FOXP2: variants seen among roughly 807,000 people sequenced by gnomAD.
FOXP2 encodes the protein forkhead box protein P2.
Under a neutral mutation model 115.8 loss-of-function variants are expected in FOXP2, and 12 were observed. That is an observed-to-expected ratio of 0.10 (90% CI 0.07 to 0.17). FOXP2 has a LOEUF of 0.17. FOXP2 is among the 10% of genes least tolerant of loss of function. The pLI, the probability that FOXP2 is intolerant of heterozygous loss-of-function variation, is 1.00. For synonymous variants in FOXP2, 328 were observed against 297.7 expected (o/e 1.10, Z -1.05); for missense variants, 629 against 843.5 (o/e 0.75, Z 3.15).
At chr7:114,203,554 G>A (rs2129160094) in intron 1 of FOXP2, among the ~76,000 whole-genome samples, 1 of 151,974 alleles carries the variant, frequency 6.6e-6, no homozygotes, top group African/African-American at 2.4e-5. Flanking sequence ...ATGTTGCCCA[G>A]GCTTGGCTCA....
intron 2 of FOXP2, among the ~76,000 whole-genome samples, chr7:114,329,332 A>G (rs970560466): frequency 3.3e-5 from 5 of 152,030 alleles, no homozygotes; most frequent in Non-Finnish European, 7.4e-5. Context: ...AGCCTTGTCA[A>G]CATGGTGAAA....
intron 6 of FOXP2, among the ~76,000 whole-genome samples, chr7:114,637,534 T>C (rs967148099): frequency 6.6e-6 from 1 of 152,132 alleles, no homozygotes; most frequent in African/African-American, 2.4e-5. Context: ...TTAAAACTCT[T>C]TCAAGTAACA....
At chr7:114,157,550 T>G (rs760851614) in intron 1 of FOXP2, among the ~76,000 whole-genome samples, 3 of 152,096 alleles carry the variant, frequency 2.0e-5, no homozygotes, top group African/African-American at 7.2e-5. Context: ...GCAAATTCAA[T>G]CCTAAGAATG....
At chr7:114,138,833 A>C (rs1792120636) in intron 1 of FOXP2, among the ~76,000 whole-genome samples, 1 of 152,254 alleles carries the variant, frequency 6.6e-6, no homozygotes, top group Non-Finnish European at 1.5e-5. Flanking sequence ...GTCTAAGGAC[A>C]CAAAATGACA....
chr7:114,374,776 A>G (rs1366770964), intron 2 of FOXP2, among the ~76,000 whole-genome samples: 2 of 152,212 alleles, frequency 1.3e-5, no homozygotes, highest in East Asian at 3.9e-4. Context: ...TGTAGCGCAC[A>G]GTGAGTGGCC....
At chr7:114,612,606 A>C (rs1803694911) in intron 3 of FOXP2, among the ~76,000 whole-genome samples, 1 of 152,130 alleles carries the variant, frequency 6.6e-6, no homozygotes, top group Non-Finnish European at 1.5e-5. Flanking sequence ...ACTGTCAGGA[A>C]GCCTGACTCT....
At chr7:114,651,902 T>A (rs1321896961) in intron 8 of FOXP2, among the ~76,000 whole-genome samples, 1 of 152,160 alleles carries the variant, frequency 6.6e-6, no homozygotes, top group East Asian at 1.9e-4. Context: ...TTTAAAAAAA[T>A]GGCATAAATA....
At chr7:114,383,713 G>A (rs1181921570) in intron 2 of FOXP2, among the ~76,000 whole-genome samples, 2 of 152,072 alleles carry the variant, frequency 1.3e-5, no homozygotes, top group East Asian at 1.9e-4. Flanking sequence ...TTCTTTCTTA[G>A]CGTCTGAGGG....
chr7:114,126,696 G>A (rs1159999884), intron 1 of FOXP2, among the ~76,000 whole-genome samples: 2 of 152,150 alleles, frequency 1.3e-5, no homozygotes, highest in African/African-American at 2.4e-5. Flanking sequence ...TATTCAGTCA[G>A]TAACTGGCTT....
At chr7:114,394,898 T>C (rs934546607) in intron 2 of FOXP2, among the ~76,000 whole-genome samples, 1 of 152,112 alleles carries the variant, frequency 6.6e-6, no homozygotes, top group African/African-American at 2.4e-5. Flanking sequence ...AGGACATTAT[T>C]AGGACAAGTG....
chr7:114,491,114 A>T (rs1797029486), intron 2 of FOXP2, among the ~76,000 whole-genome samples: 1 of 152,200 alleles, frequency 6.6e-6, no homozygotes, highest in Middle Eastern at 3.4e-3. Flanking sequence ...TAGTTTACAG[A>T]CCCACCAACA....
intron 2 of FOXP2, chr7:114,297,421 A>C: frequency 1.8e-6 from 1 of 555,698 alleles, no homozygotes; most frequent in Non-Finnish European, 3.3e-6. Flanking sequence ...GGGGTAGCCC[A>C]GAGCCATGGC....
At chr7:114,508,604 C>T (rs1251676400) in intron 2 of FOXP2, among the ~76,000 whole-genome samples, 1 of 151,860 alleles carries the variant, frequency 6.6e-6, no homozygotes, top group African/African-American at 2.4e-5. Context: ...AAGGGTGGAG[C>T]TTTAAGACCC....
chr7:114,432,456 A>G (rs1011429933), intron 2 of FOXP2, among the ~76,000 whole-genome samples: 1 of 151,988 alleles, frequency 6.6e-6, no homozygotes, highest in Non-Finnish European at 1.5e-5. Flanking sequence ...CATTACTTTT[A>G]TGGTACAAAC....
intron 2 of FOXP2, among the ~76,000 whole-genome samples, chr7:114,483,020 C>A (rs891568546): frequency 6.6e-6 from 1 of 151,638 alleles, no homozygotes; most frequent in Non-Finnish European, 1.5e-5. Flanking sequence ...CCACAGAATT[C>A]TTCAGGATGG....
At chr7:114,559,220 T>C (rs909614814) in intron 3 of FOXP2, among the ~76,000 whole-genome samples, 2 of 152,174 alleles carry the variant, frequency 1.3e-5, no homozygotes, top group African/African-American at 2.4e-5. Context: ...CATCTTTTGT[T>C]TTTCAGTGAT....
chr7:114,579,466 C>G lies in FOXP2; in HGVS notation c.258+44760C>G, dbSNP rs1235222558. Among the ~76,000 whole-genome samples the G allele has an allele frequency of 2.0e-5, 3 of 152,096 alleles. No individual in the cohort carries two copies. The South Asian group carries it at 6.2e-4, about 32-fold the overall frequency. On this transcript the variant is annotated intron_variant, in intron 3 of 16. Coordinates refer to ENST00000350908, the MANE Select transcript of FOXP2 (RefSeq NM_014491.4). ...TTCTACTATTGTTAATTAGCACATA[C>G]AGTTTTGTTGCTGTGACTGTCGCCC...
intron 1 of FOXP2, among the ~76,000 whole-genome samples, chr7:114,146,098 G>T (rs1792361426): frequency 6.6e-6 from 1 of 152,168 alleles, no homozygotes. Flanking sequence ...GACTTAGCCA[G>T]TTTAGCTGGA....
At chr7:114,682,776 C>T (rs1457490313) in intron 16 of FOXP2, among the ~76,000 whole-genome samples, 5 of 152,102 alleles carry the variant, frequency 3.3e-5, no homozygotes, top group African/African-American at 1.2e-4. Flanking sequence ...TGGCATATAA[C>T]TTGACAAGTG....
Sources: allele counts gnomAD v4.1 joint callset (sites outside exome capture counted in the v4.1 genomes callset), GRCh38; gene constraint gnomAD v4.1.1; transcripts MANE v1.5; gene names NCBI Gene and HGNC (gene_info 2026-07-23, HGNC 2026-07-21).